Variants in SNHG17 observed in about 807,000 individuals in gnomAD.
SNHG17 encodes the protein small nucleolar RNA host gene 17 (non-protein coding).
At chr20:38,428,758 C>G (rs760552326) in intron 3 of SNHG17, 1 of 152,212 alleles carries the variant, frequency 6.6e-6, no homozygotes, top group Non-Finnish European at 1.5e-5. Context: ...GTGGGGAAGC[C>G]GTGCAGAGGC....
intron 5 of SNHG17, among the ~76,000 whole-genome samples, chr20:38,423,126 G>C (rs1232674963): frequency 6.6e-6 from 1 of 151,690 alleles, no homozygotes. Flanking sequence ...GCTAGGCATG[G>C]CAGTCCATGC....
At chr20:38,431,897 TACCTC>T in intron 2 of SNHG17, 2 of 542,956 alleles carry the variant, frequency 3.7e-6, no homozygotes, top group Non-Finnish European at 4.7e-6. Flanking sequence ...AAGACACTCT[TACCTC>T]ACCTCTCTCT....
exon 3 of SNHG17, chr20:38,431,083 C>T (rs1375926179): frequency 6.6e-6 from 1 of 152,336 alleles, no homozygotes; most frequent in Non-Finnish European, 1.5e-5. Flanking sequence ...ACGCCTCTCA[C>T]ACACATGGGG....
At chr20:38,434,241 A>T (rs1245166773) in intron 2 of SNHG17, among the ~76,000 whole-genome samples, 1 of 152,216 alleles carries the variant, frequency 6.6e-6, no homozygotes, top group Non-Finnish European at 1.5e-5. Flanking sequence ...TGGGTTCAAA[A>T]TCAAGAAAAA....
In SNHG17 at chr20:38,432,580, T is replaced by C. The variant is rs1217377937; in HGVS notation, n.309-1468A>G. ...GACAAGACCGTCAAAGAGAACACCA[T>C]GGGATGACCACTGGGCCAGTGGGAA... On this transcript the variant is annotated intron_variant and non_coding_transcript_variant, in intron 2 of 8. Transcript: ENST00000654008. Among the ~76,000 whole-genome samples, 3 of 152,156 alleles carry C rather than the reference T, an allele frequency of 2.0e-5. 1 individual carries two copies. Among genetic ancestry groups the C allele is most frequent in the South Asian group, 4.1e-4 (2 of 4,832 alleles).
chr20:38,420,965 G>A (rs2084148299), intron 7 of SNHG17: 1 of 152,136 alleles, frequency 6.6e-6, no homozygotes, highest in Non-Finnish European at 1.5e-5. Flanking sequence ...CGGACCAGCT[G>A]AGCCTCTGGC....
intron 5 of SNHG17, among the ~76,000 whole-genome samples, chr20:38,425,675 G>A (rs2084234442): frequency 6.6e-6 from 1 of 152,150 alleles, no homozygotes; most frequent in Non-Finnish European, 1.5e-5. Context: ...CTACTCAAAT[G>A]CTTCCCTCAT....
In SNHG17 at chr20:38,423,760, CT is replaced by C. The variant is rs1271119152; in HGVS notation, n.580-1520del. On this transcript the variant is annotated intron_variant and non_coding_transcript_variant, in intron 5 of 8. Coordinates refer to ENST00000654008, the Ensembl canonical transcript of SNHG17. Reference sequence around the variant, plus strand: ...TCCTCACACACACTAAAAACGGTGACTATGTGAGATAACAGACATGCTCATC... The same window carrying C: ...TCCTCACACACACTAAAAACGGTGACATGTGAGATAACAGACATGCTCATC... 3.3e-5 allele frequency among the ~76,000 whole-genome samples: 5 copies of C among 152,252 alleles called. No individual in the cohort carries two copies. In the South Asian group the frequency reaches 1.0e-3, roughly 32 times the overall value.
intron 5 of SNHG17, among the ~76,000 whole-genome samples, chr20:38,424,797 T>G (rs969433653): frequency 6.6e-6 from 1 of 152,066 alleles, no homozygotes; most frequent in African/African-American, 2.4e-5. Flanking sequence ...CTCAGAGACA[T>G]AAACTCAGTG....
intron 3 of SNHG17, chr20:38,426,522 A>T (rs2084251464): frequency 6.6e-6 from 1 of 151,706 alleles, no homozygotes; most frequent in African/African-American, 2.4e-5. Flanking sequence ...ACAAGAAGCC[A>T]CACATATCAC....
chr20:38,428,911 GC>G (rs1364990224), intron 3 of SNHG17: 1 of 152,256 alleles, frequency 6.6e-6, no homozygotes, highest in Non-Finnish European at 1.5e-5. Flanking sequence ...CCCATACAAG[GC>G]CAAGGCCAAC....
At chr20:38,421,618 C>T (rs1192081322) in intron 6 of SNHG17, 1 of 152,248 alleles carries the variant, frequency 6.6e-6, no homozygotes, top group Non-Finnish European at 1.5e-5. Flanking sequence ...GGCCCAAGCT[C>T]TGAAAGCCTA....
chr20:38,426,995 TACACACACACACACACACACACAC>T (rs765781057), intron 3 of SNHG17, among the ~76,000 whole-genome samples: 8 of 125,580 alleles, frequency 6.4e-5, no homozygotes, highest in Non-Finnish European at 8.7e-5. Flanking sequence ...AAGTTACACA[TACACACACACACACACACACACAC>T]ACACACACAC....
rs571802383 is a variant in SNHG17, at chr20:38,433,413, G to A, written n.308+1091C>T. Among the ~76,000 whole-genome samples, 3 of 152,276 alleles carry A rather than the reference G, an allele frequency of 2.0e-5. No homozygotes were observed. In the South Asian group the frequency reaches 6.2e-4, roughly 32 times the overall value. On this transcript the variant is annotated intron_variant and non_coding_transcript_variant, in intron 2 of 8. Transcript: ENST00000654008. Reference sequence around the variant, plus strand: ...TGTAATTCCAGCACTTTGGAAGACTGAGGGAAAATCACTTGAAGCCAGGAG... The same window carrying A: ...TGTAATTCCAGCACTTTGGAAGACTAAGGGAAAATCACTTGAAGCCAGGAG...
intron 3 of SNHG17, among the ~76,000 whole-genome samples, chr20:38,430,228 G>A (rs1212412058): frequency 1.3e-5 from 2 of 151,898 alleles, no homozygotes; most frequent in Non-Finnish European, 2.9e-5. Context: ...GGATGAGGCA[G>A]GAGAATCATT....
At position 38,422,453 on chromosome 20, in the gene SNHG17, C is replaced by T. The variant is rs147788867; in HGVS notation, n.580-212G>A. ...ATGCCACTGTCTCTATTAGTACTTA[C>T]AGCCACATTATTGTCTCAGGAACAA... On this transcript the variant is annotated intron_variant and non_coding_transcript_variant, in intron 5 of 8. Coordinates refer to ENST00000654008, the Ensembl canonical transcript of SNHG17. Among the ~76,000 whole-genome samples, 175 of 152,318 alleles carry T rather than the reference C, an allele frequency of 1.1e-3. 1 individual carries two copies. The highest frequency in any genetic ancestry group is 4.1e-3 in the African/African-American group (169 of 41,562).
intron 3 of SNHG17, chr20:38,427,231 GC>G (rs754614734): frequency 2.1e-5 from 8 of 374,702 alleles, no homozygotes; most frequent in African/African-American, 8.5e-5. Flanking sequence ...TAAGCATGAT[GC>G]CCCCCCGCAC....
intron 1 of SNHG17, chr20:38,434,660 A>T: frequency 5.1e-6 from 1 of 195,540 alleles, no homozygotes; most frequent in Non-Finnish European, 9.3e-6. Context: ...AGGGGGCTTT[A>T]GTACAAGGCC....
At chr20:38,429,074 C>T (rs1028139949) in intron 3 of SNHG17, 2 of 152,456 alleles carry the variant, frequency 1.3e-5, no homozygotes, top group Admixed American at 6.5e-5. Flanking sequence ...CTCCCTTTCT[C>T]GTTTTTCTTT....
Sources: allele counts gnomAD v4.1 joint callset (sites outside exome capture counted in the v4.1 genomes callset), GRCh38; gene constraint gnomAD v4.1.1; transcripts MANE v1.5; gene names NCBI Gene and HGNC (gene_info 2026-07-23, HGNC 2026-07-21).